The following GRIK1 variants were observed in gnomAD, a reference collection of about 807,000 sequenced individuals.
GRIK1 encodes glutamate receptor ionotropic, kainate 1.
A neutral mutation model predicts 105.7 loss-of-function variants in GRIK1; 69 were observed. The observed-to-expected ratio is 0.65, with a 90% CI of 0.54 to 0.80. The LOEUF is 0.80. GRIK1 is among the 30% of genes least tolerant of loss of function. The pLI is 0.00. For missense variants in GRIK1, 1,109 were observed against 1,167.3 expected (o/e 0.95, Z 0.73); for synonymous variants, 438 against 431.3 (o/e 1.02, Z -0.19).
intron 1 of GRIK1, among the ~76,000 whole-genome samples, chr21:29,899,693 T>G (rs910708412): frequency 6.6e-6 from 1 of 152,114 alleles, no homozygotes; most frequent in Non-Finnish European, 1.5e-5. Context: ...CATTTTCAGG[T>G]GACCAGAGGG....
At chr21:29,845,134 A>C (rs563579635) in intron 1 of GRIK1, among the ~76,000 whole-genome samples, 1 of 152,284 alleles carries the variant, frequency 6.6e-6, no homozygotes, top group South Asian at 2.1e-4. Flanking sequence ...TTTTCCAGAA[A>C]CAATGGGTGC....
chr21:29,609,395 A>G (rs1379137814), intron 7 of GRIK1, among the ~76,000 whole-genome samples: 1 of 152,188 alleles, frequency 6.6e-6, no homozygotes. Flanking sequence ...AGTTGAATAA[A>G]TTGGCTGTGT....
intron 1 of GRIK1, among the ~76,000 whole-genome samples, chr21:29,848,061 T>C (rs2068181501): frequency 6.6e-6 from 1 of 152,038 alleles, no homozygotes; most frequent in African/African-American, 2.4e-5. Context: ...ATTATTATTA[T>C]TATTATTAAA....
chr21:29,599,279 C>A (rs1377728567), intron 7 of GRIK1, among the ~76,000 whole-genome samples: 3 of 152,152 alleles, frequency 2.0e-5, no homozygotes, highest in Non-Finnish European at 4.4e-5. Context: ...AATCCAAATT[C>A]CCTTTGAGAT....
Position 29,809,563 on chromosome 21 carries a change from A to G in GRIK1, c.119-115500T>C, listed in dbSNP as rs533450649. 1.4e-4 allele frequency among the ~76,000 whole-genome samples: 22 copies of G among 152,286 alleles called. No individual in the cohort carries two copies. In the East Asian group the frequency reaches 1.5e-3, roughly 11 times the overall value. On this transcript the variant is annotated intron_variant, in intron 1 of 17. Coordinates refer to ENST00000327783, the MANE Select transcript of GRIK1 (RefSeq NM_001330994.2). ...GCGGCTGGTTTGAGCTTCTATCCAGACCACTAAAACTTTCTTTATATCAGC... is the reference window on the plus strand; with the variant it reads ...GCGGCTGGTTTGAGCTTCTATCCAGGCCACTAAAACTTTCTTTATATCAGC...
intron 7 of GRIK1, among the ~76,000 whole-genome samples, chr21:29,622,598 C>G (rs111868447): frequency 6.6e-6 from 1 of 152,156 alleles, no homozygotes; most frequent in East Asian, 1.9e-4. Flanking sequence ...GACCAATAGC[C>G]AATGAATGAG....
At chr21:29,905,787 C>T (rs1400321373) in intron 1 of GRIK1, among the ~76,000 whole-genome samples, 3 of 150,832 alleles carry the variant, frequency 2.0e-5, no homozygotes, top group Admixed American at 1.3e-4. Context: ...CCACTACGCC[C>T]GGCTAATTTT....
In GRIK1 at chr21:29,795,827, T is replaced by C. The variant is rs116350445; in HGVS notation, c.119-101764A>G. ...GCAAGAGAGTTGCATATCATGAATCTTTTCTTTTGATAGTGAGGCTATCAA... is the reference window on the plus strand; with the variant it reads ...GCAAGAGAGTTGCATATCATGAATCCTTTCTTTTGATAGTGAGGCTATCAA... On this transcript the variant is annotated intron_variant, in intron 1 of 17. Coordinates refer to ENST00000327783, the MANE Select transcript of GRIK1 (RefSeq NM_001330994.2). Among the ~76,000 whole-genome samples, 849 of 152,316 alleles carry C rather than the reference T, an allele frequency of 5.6e-3. 3 individuals carry two copies. The highest frequency in any genetic ancestry group is 0.02 in the African/African-American group (813 of 41,576).
At chr21:29,775,168 T>G (rs888974374) in intron 1 of GRIK1, among the ~76,000 whole-genome samples, 2 of 151,212 alleles carry the variant, frequency 1.3e-5, no homozygotes, top group African/African-American at 4.9e-5. Flanking sequence ...AATACAAAAA[T>G]TAGCCGGCAT....
At chr21:29,885,515 C>A (rs2069587047) in intron 1 of GRIK1, among the ~76,000 whole-genome samples, 1 of 151,960 alleles carries the variant, frequency 6.6e-6, no homozygotes, top group African/African-American at 2.4e-5. Context: ...AAATACAGCA[C>A]CTATTTGCCA....
chr21:29,559,442 T>A (rs573035286), intron 15 of GRIK1, among the ~76,000 whole-genome samples: 2 of 152,276 alleles, frequency 1.3e-5, no homozygotes, highest in African/African-American at 4.8e-5. Context: ...AGCTTACCAC[T>A]TGGGGCAAAA....
intron 7 of GRIK1, among the ~76,000 whole-genome samples, chr21:29,609,540 C>A (rs917519800): frequency 1.3e-5 from 2 of 152,004 alleles, no homozygotes; most frequent in African/African-American, 2.4e-5. Context: ...ATTGGGGGGC[C>A]CAATAAAGAA....
At chr21:29,681,357 A>T (rs922431716) in intron 3 of GRIK1, among the ~76,000 whole-genome samples, 4 of 151,990 alleles carry the variant, frequency 2.6e-5, no homozygotes, top group Non-Finnish European at 5.9e-5. Context: ...GTCTTGCATG[A>T]CCTACAAGGC....
In GRIK1 at chr21:29,656,347, C is replaced by G. The variant is rs188585254; in HGVS notation, c.727-1484G>C. 3.4e-4 allele frequency among the ~76,000 whole-genome samples: 22 copies of G among 64,562 alleles called. No homozygotes were observed. The East Asian group carries it at 0.014, about 41-fold the overall frequency. 42.4% of individuals were successfully genotyped at this position (64,562 alleles called of 152,430 possible). On this transcript the variant is annotated intron_variant, in intron 4 of 17. Transcript: ENST00000327783. The stretch of plus-strand genomic sequence containing the variant: ...CTGCACTCCAGCCTGGGGGCCAGAG[C>G]GAGACTCAAAAAAAAAAAAAAAAAA...
Position 29,795,744 on chromosome 21 carries a change from G to T in GRIK1, c.119-101681C>A, listed in dbSNP as rs570910112. 1.2e-4 allele frequency among the ~76,000 whole-genome samples: 19 copies of T among 152,176 alleles called. No homozygotes were observed. In the East Asian group the frequency reaches 3.1e-3, roughly 25 times the overall value. ...TTGATGACTCTGTGAACAGATAAAG[G>T]CTCATTACTTTTAACATTTTCTAAT... is the stretch of plus-strand genomic sequence containing the variant. On this transcript the variant is annotated intron_variant, in intron 1 of 17. Coordinates refer to ENST00000327783, the MANE Select transcript of GRIK1 (RefSeq NM_001330994.2).
chr21:29,892,971 C>G (rs2069959192), intron 1 of GRIK1, among the ~76,000 whole-genome samples: 1 of 152,096 alleles, frequency 6.6e-6, no homozygotes, highest in African/African-American at 2.4e-5. Flanking sequence ...GTCAGGAGTT[C>G]GAGACCAGCA....
chr21:29,882,750 G>T (rs1305439515), intron 1 of GRIK1, among the ~76,000 whole-genome samples: 1 of 152,084 alleles, frequency 6.6e-6, no homozygotes, highest in South Asian at 2.1e-4. Context: ...ATGAGTAATT[G>T]AATGAGCCTG....
intron 1 of GRIK1, among the ~76,000 whole-genome samples, chr21:29,728,131 A>G (rs2064517259): frequency 1.3e-5 from 2 of 152,196 alleles, no homozygotes; most frequent in Admixed American, 6.5e-5. Flanking sequence ...TCAGCTACCC[A>G]GGTATTCCTT....
intron 1 of GRIK1, among the ~76,000 whole-genome samples, chr21:29,733,118 T>G (rs2064683576): frequency 6.6e-6 from 1 of 152,330 alleles, no homozygotes; most frequent in Non-Finnish European, 1.5e-5. Context: ...TTGCTACTAC[T>G]AAATGAATAT....
Sources: gnomAD v4.1 joint callset for allele counts (sites outside exome capture counted in the v4.1 genomes callset) on GRCh38, gnomAD v4.1.1 for gene constraint, MANE v1.5 for transcripts, NCBI Gene and HGNC (gene_info 2026-07-23, HGNC 2026-07-21) for gene names.